The following PTPRN2 variants were observed in gnomAD, a reference collection of about 807,000 sequenced individuals.
PTPRN2 encodes receptor-type tyrosine-protein phosphatase N2.
Under a neutral mutation model 118.8 loss-of-function variants are expected in PTPRN2, and 74 were observed. The observed-to-expected ratio is 0.62, with a 90% CI of 0.52 to 0.76. The LOEUF is 0.76. Among genes scored for constraint, PTPRN2 ranks in the 30% least tolerant of loss-of-function variants. The pLI, the probability that PTPRN2 is intolerant of heterozygous loss-of-function variation, is 0.00. For synonymous variants in PTPRN2, 641 were observed against 608.0 expected (o/e 1.05, Z -0.80); for missense variants, 1,481 against 1,394.4 (o/e 1.06, Z -0.99).
intron 12 of PTPRN2, among the ~76,000 whole-genome samples, chr7:157,782,163 A>T (rs1199920161): frequency 6.6e-6 from 1 of 152,244 alleles, no homozygotes; most frequent in Non-Finnish European, 1.5e-5. Flanking sequence ...ACAGGACCGT[A>T]GACCCCATGC....
chr7:158,548,113 A>G (rs1826418480), intron 1 of PTPRN2, among the ~76,000 whole-genome samples: 1 of 152,238 alleles, frequency 6.6e-6, no homozygotes, highest in Non-Finnish European at 1.5e-5. Context: ...CAGCAGGAGC[A>G]GGCGACATCC....
chr7:158,558,431 A>T (rs1827185749), intron 1 of PTPRN2, among the ~76,000 whole-genome samples: 1 of 152,080 alleles, frequency 6.6e-6, no homozygotes, highest in Admixed American at 6.6e-5. Context: ...GCAGCTTTCC[A>T]TTTGTAAACT....
chr7:158,164,010 T>C (rs138701410), intron 6 of PTPRN2, among the ~76,000 whole-genome samples: 181 of 152,312 alleles, frequency 1.2e-3, no homozygotes, highest in Middle Eastern at 3.4e-3. Context: ...TGGAAGTCAG[T>C]TTTTATCAGA....
rs181112575 is a variant in PTPRN2 at position 158,398,302 on chromosome 7, C to T, written c.164-81370G>A. Among the ~76,000 whole-genome samples the T allele has an allele frequency of 1.1e-3, 170 of 152,324 alleles. 1 individual carries two copies. Among genetic ancestry groups the T allele is most frequent in the African/African-American group, 4.0e-3 (165 of 41,570 alleles). ...GTAAATGCTAGATATTATTATCCCA[C>T]TAGACACTGAAAACGGTCCCCTTTC... On this transcript the variant is annotated intron_variant, in intron 2 of 22. Transcript: ENST00000389418.
intron 12 of PTPRN2, among the ~76,000 whole-genome samples, chr7:157,750,895 T>C (rs1321755435): frequency 6.6e-6 from 1 of 152,248 alleles, no homozygotes; most frequent in South Asian, 2.1e-4. Context: ...CATTCTGGGG[T>C]GGGCCAGCTC....
At chr7:157,914,718 T>C (rs903242209) in intron 11 of PTPRN2, among the ~76,000 whole-genome samples, 5 of 152,192 alleles carry the variant, frequency 3.3e-5, no homozygotes, top group African/African-American at 1.2e-4. Context: ...GTGTAAGAGT[T>C]GCCTAATCTG....
At chr7:158,326,962 C>T (rs185581315) in intron 2 of PTPRN2, among the ~76,000 whole-genome samples, 1,982 of 151,592 alleles carry the variant, frequency 0.013, 33 homozygotes, top group Non-Finnish European at 0.021. Flanking sequence ...CATGCACACA[C>T]GCACACATTC....
At chr7:158,054,463 T>C (rs999841722) in intron 11 of PTPRN2, among the ~76,000 whole-genome samples, 3 of 152,240 alleles carry the variant, frequency 2.0e-5, no homozygotes, top group Non-Finnish European at 4.4e-5. Flanking sequence ...AACACACATT[T>C]ACCGGCTGTT....
rs907429853 is a variant in PTPRN2, at chr7:157,550,153, G to A, written c.2903-1134C>T. Among the ~76,000 whole-genome samples the A allele has an allele frequency of 2.4e-4, 36 of 152,204 alleles. No homozygotes were observed. The highest frequency in any genetic ancestry group is 8.0e-4 in the African/African-American group (33 of 41,448). On this transcript the variant is annotated intron_variant, in intron 21 of 22. Coordinates refer to ENST00000389418, the MANE Select transcript of PTPRN2 (RefSeq NM_002847.5). This position sits in a 1 kb window ranked among gnomAD's most constrained non-coding sequence, Gnocchi z 5.2. ...CCACATTCCTCGCCCAGCGAATCAG[G>A]AGAGAAGCTTTAAAATTCCCGAGGT... is the stretch of plus-strand genomic sequence containing the variant.
At chr7:157,936,555 C>T (rs1010824612) in intron 11 of PTPRN2, among the ~76,000 whole-genome samples, 6 of 142,970 alleles carry the variant, frequency 4.2e-5, no homozygotes, top group South Asian at 2.2e-4. Context: ...CTCCTCCACT[C>T]GGAAGCCAGG....
chr7:157,612,904 C>T (rs889529459), intron 15 of PTPRN2, among the ~76,000 whole-genome samples: 2 of 152,170 alleles, frequency 1.3e-5, no homozygotes, highest in African/African-American at 2.4e-5. Context: ...CAGGGCAGGG[C>T]CCCCCACACC....
At chr7:158,414,550 T>G (rs1385471892) in intron 2 of PTPRN2, among the ~76,000 whole-genome samples, 1 of 152,168 alleles carries the variant, frequency 6.6e-6, no homozygotes, top group Non-Finnish European at 1.5e-5. Flanking sequence ...AAGTCATACA[T>G]CAGAGCCACC....
intron 12 of PTPRN2, among the ~76,000 whole-genome samples, chr7:157,871,818 T>G (rs150065073): frequency 6.7e-6 from 1 of 149,880 alleles, no homozygotes; most frequent in African/African-American, 2.5e-5. Flanking sequence ...CCCACAAAAA[T>G]GCACACACAC....
intron 2 of PTPRN2, among the ~76,000 whole-genome samples, chr7:158,396,137 C>T (rs1026073778): frequency 1.3e-5 from 2 of 152,194 alleles, no homozygotes; most frequent in Non-Finnish European, 2.9e-5. Flanking sequence ...CACAGGGCAG[C>T]GGGCAGCCAG....
chr7:158,322,522 C>T (rs1237119966), intron 2 of PTPRN2, among the ~76,000 whole-genome samples: 1 of 151,860 alleles, frequency 6.6e-6, no homozygotes, highest in Non-Finnish European at 1.5e-5. Flanking sequence ...ATGGCAACAC[C>T]TGGCCCCAGT....
chr7:158,407,135 T>C (rs373416733), intron 2 of PTPRN2, among the ~76,000 whole-genome samples: 12,343 of 126,262 alleles, frequency 0.098, 770 homozygotes, highest in East Asian at 0.21. Context: ...TCCTGGGTCC[T>C]GCGTCCTGCG....
At position 158,015,012 on chromosome 7, in the gene PTPRN2, A is replaced by G. The variant is rs73745078; in HGVS notation, c.1723+66286T>C. Among the ~76,000 whole-genome samples, 129 of 152,348 alleles carry G rather than the reference A, an allele frequency of 8.5e-4. No individual in the cohort carries two copies. The highest frequency in any genetic ancestry group is 3.0e-3 in the African/African-American group (126 of 41,582). ...AAGAGAATAAGAACTTCTCCTGAAT[A>G]TCATCTTTTCCCTTTTTGCTCTCTC... On this transcript the variant is annotated intron_variant, in intron 11 of 22. Transcript: ENST00000389418. This position sits in a 1 kb window ranked among gnomAD's most constrained non-coding sequence, Gnocchi z 4.2.
chr7:157,765,014 T>TTCCATCCA (rs111203008), intron 12 of PTPRN2, among the ~76,000 whole-genome samples: 1 of 145,408 alleles, frequency 6.9e-6, no homozygotes, highest in Non-Finnish European at 1.5e-5. Context: ...TCCATCATTC[T>TTCCATCCA]TCCATCCATC....
In PTPRN2 at chr7:158,425,210, CGCGGTGTCCGAGT is replaced by C. The variant is rs1248655923; in HGVS notation, c.163+64512_163+64524del. ...GAGGCCTGCGCACCGCCGGGAAAGA[CGCGGTGTCCGAGT>C]CCAGCCTAGCTGAGGCCTGCGCACC... is the stretch of plus-strand genomic sequence containing the variant. On this transcript the variant is annotated intron_variant, in intron 2 of 22. Coordinates refer to ENST00000389418, the MANE Select transcript of PTPRN2 (RefSeq NM_002847.5). 3.6e-4 allele frequency among the ~76,000 whole-genome samples: 12 copies of C among 33,368 alleles called. 1 individual carries two copies. Among genetic ancestry groups the C allele is most frequent in the East Asian group, 9.5e-4 (1 of 1,052 alleles). The allele number at this position is 33,368 out of a possible 152,430, so 21.9% of individuals were successfully genotyped here.
Sources: allele counts gnomAD v4.1 joint callset (sites outside exome capture counted in the v4.1 genomes callset), GRCh38; gene constraint gnomAD v4.1.1; non-coding constraint Gnocchi (gnomAD v3.1); transcripts MANE v1.5; gene names NCBI Gene and HGNC (gene_info 2026-07-23, HGNC 2026-07-21).